PIP: variants seen among roughly 807,000 people sequenced by gnomAD.
PIP encodes prolactin induced protein, also known as prolactin-inducible protein.
In PIP, 9 loss-of-function variants were observed where a neutral mutation model predicts 12.8. The observed-to-expected ratio is 0.70, with a 90% CI of 0.42 to 1.23. The LOEUF (loss-of-function observed/expected upper bound fraction) is 1.23, where lower values mean the gene tolerates loss of function less well. Ranked by LOEUF, PIP falls within the 50% of genes most tolerant of loss-of-function variation. The pLI is 0.00. For missense variants in PIP, 172 were observed against 179.5 expected (o/e 0.96, Z 0.24); for synonymous variants, 60 against 66.1 (o/e 0.91, Z 0.45).
At position 143,139,553 on chromosome 7, in the gene PIP, C is replaced by A; in HGVS notation, c.352C>A (p.Arg118=). ...VQIAAVVDVI[R]ELGICPDDAA... ...AATTGCAGCCGTCGTTGATGTTATT[C>A]GGGAATTAGGCATCTGCCCTGATGA... Residue 118 remains arginine (R), a synonymous_variant, in exon 4 of 4, where the codon CGG becomes AGG. Coordinates refer to ENST00000291009, the MANE Select transcript of PIP (RefSeq NM_002652.3). 1 of 1,612,786 alleles carries A rather than the reference C, an allele frequency of 6.2e-7. No homozygotes were observed. The highest frequency in any genetic ancestry group is 8.5e-7 in the Non-Finnish European group (1 of 1,178,838).
At chr7:143,132,778 G>C (rs538038612) in intron 1 of PIP, among the ~76,000 whole-genome samples, 1 of 152,074 alleles carries the variant, frequency 6.6e-6, no homozygotes. Flanking sequence ...GAGAGCACAG[G>C]TTCAGAAGTC....
chr7:143,134,624 T>C (rs1799286154), intron 1 of PIP, among the ~76,000 whole-genome samples: 1 of 152,064 alleles, frequency 6.6e-6, no homozygotes, highest in Non-Finnish European at 1.5e-5. Flanking sequence ...TTTGCTGGTT[T>C]AATGTGATTC....
At chr7:143,136,882 T>C (rs2116570542) in intron 2 of PIP, among the ~76,000 whole-genome samples, 1 of 152,000 alleles carries the variant, frequency 6.6e-6, no homozygotes, top group South Asian at 2.1e-4. Flanking sequence ...CTAGAAATAA[T>C]TTACAGGAAA....
rs906462455 is a variant in PIP at position 143,132,090 on chromosome 7, G to C, written c.-27G>C. The C allele has an allele frequency of 6.2e-7, 1 of 1,612,540 alleles. No homozygotes were observed. The highest frequency in any genetic ancestry group is 1.3e-5 in the African/African-American group (1 of 74,958). ...GGCACCTGGGACACCACTTCTCTGG[G>C]ACACATTGCCTTCTGTTTTCTCCAG... On this transcript the variant is annotated 5_prime_UTR_variant, in exon 1 of 4. Coordinates refer to ENST00000291009, the MANE Select transcript of PIP (RefSeq NM_002652.3).
intron 1 of PIP, among the ~76,000 whole-genome samples, chr7:143,133,931 C>T (rs1268018964): frequency 6.6e-6 from 1 of 151,382 alleles, no homozygotes. Context: ...GAGCAGTATA[C>T]ACTGCACCAT....
intron 1 of PIP, among the ~76,000 whole-genome samples, chr7:143,134,206 ATATATATATATATATATATATATATAT>A (rs1261241596): frequency 8.3e-6 from 1 of 120,964 alleles, no homozygotes; most frequent in African/African-American, 3.3e-5. Flanking sequence ...ATATATATAT[ATATATATATATATATATATATATATAT>A]ACCACAGTTT....
rs1012654043 is a variant in PIP, at chr7:143,135,111, C to T, written c.96-83C>T. 2.6e-5 allele frequency: 17 copies of T among 655,408 alleles called. No individual in the cohort carries two copies. In the Middle Eastern group the frequency reaches 9.9e-4, roughly 38 times the overall value. The allele number at this position is 655,408 out of a possible 1,614,324, so 40.6% of individuals were successfully genotyped here. ...ATTTCCCTCCCTTGCCCATCCTGTG[C>T]CCCTTGCCCTGTTCATGGCTCCCCC... is the stretch of plus-strand genomic sequence containing the variant. On this transcript the variant is annotated intron_variant, in intron 1 of 3. Transcript: ENST00000291009.
At position 143,132,340 on chromosome 7, in the gene PIP, T is replaced by C. The variant is rs997921799; in HGVS notation, c.95+129T>C. 2.5e-5 allele frequency: 25 copies of C among 1,009,798 alleles called. No individual in the cohort carries two copies. The South Asian group carries it at 3.3e-4, about 13-fold the overall frequency. 62.6% of individuals were successfully genotyped at this position (1,009,798 alleles called of 1,614,324 possible). On this transcript the variant is annotated intron_variant, in intron 1 of 3. Transcript: ENST00000291009. ...AGAACTCTAGTCCCAGGAGCTCCCA[T>C]GGATCTCCTGCCAGGTTCCACTTCT...
intron 2 of PIP, among the ~76,000 whole-genome samples, chr7:143,137,403 T>C (rs1799319768): frequency 1.3e-5 from 2 of 152,142 alleles, no homozygotes; most frequent in Non-Finnish European, 2.9e-5. Flanking sequence ...ACATTTAAAA[T>C]ATAGAAGAGT....
At chr7:143,132,244 A>C in intron 1 of PIP, 33 bp downstream of exon 1, 2 of 1,609,234 alleles carry the variant, frequency 1.2e-6, no homozygotes, top group South Asian at 2.2e-5. Context: ...CCACAAAAAA[A>C]ATTGCAGGGA....
In PIP at chr7:143,139,073, A is replaced by G; in HGVS notation, c.202-2A>G. 2 of 1,410,304 alleles carry G rather than the reference A, an allele frequency of 1.4e-6. No homozygotes were observed. The highest frequency in any genetic ancestry group is 2.0e-6 in the Non-Finnish European group (2 of 993,092). 87.4% of individuals were successfully genotyped at this position (1,410,304 alleles called of 1,614,324 possible). On this transcript the variant is annotated splice_acceptor_variant, in intron 2 of 3. Coordinates refer to ENST00000291009, the MANE Select transcript of PIP (RefSeq NM_002652.3). LOFTEE classifies it high-confidence loss of function. ...TTCCCCCTCCCACCTTCTCCTCACC[A>G]GGTTAAAACTTACCTCATTAGCAGC...
At chr7:143,134,183 C>CATATACATAT (rs1799274554) in intron 1 of PIP, among the ~76,000 whole-genome samples, 3 of 41,664 alleles carry the variant, frequency 7.2e-5, no homozygotes, top group African/African-American at 2.6e-4. Flanking sequence ...AGTATTCCAT[C>CATATACATAT]ATATATATAT....
rs1405453678 is a variant in PIP at position 143,139,584 on chromosome 7, C to T, written c.383C>T (p.Ala128Val). 2 of 1,610,954 alleles carry T rather than the reference C, an allele frequency of 1.2e-6. No individual in the cohort carries two copies. The highest frequency in any genetic ancestry group is 2.2e-5 in the East Asian group (1 of 44,878). ...RELGICPDDA[A>V]VIPIKNNRFY... ...TTAGGCATCTGCCCTGATGATGCTG[C>T]TGTAATCCCCATCAAAAACAACCGG... The change falls in exon 4 of 4, where the codon GCT (alanine) becomes GTT (valine). Residue 128 changes from alanine to valine, a missense_variant. By Grantham distance (64) the Ala-to-Val change is moderately conservative (BLOSUM62 0). Transcript: ENST00000291009.
chr7:143,139,113 T>C lies in PIP; in HGVS notation c.240T>C (p.Gly80=). ...TCATTAGCAGCATCCCTCTACAAGG[T>C]GCATTTAACTATAAGTATACTGCCT... is the stretch of plus-strand genomic sequence containing the variant. ...TYLISSIPLQ[G]AFNYKYTACL... is the part of the protein sequence containing the mutation. Residue 80 remains glycine, a synonymous_variant, in exon 3 of 4, where the codon GGT becomes GGC. Coordinates refer to ENST00000291009, the MANE Select transcript of PIP (RefSeq NM_002652.3). The C allele has an allele frequency of 1.9e-6, 3 of 1,601,504 alleles. No homozygotes were observed. The highest frequency in any genetic ancestry group is 2.6e-6 in the Non-Finnish European group (3 of 1,168,332).
chr7:143,132,916 A>G (rs1033201134), intron 1 of PIP, among the ~76,000 whole-genome samples: 1 of 152,172 alleles, frequency 6.6e-6, no homozygotes, highest in South Asian at 2.1e-4. Context: ...CTATAGCAGT[A>G]GGGTTTATAA....
intron 1 of PIP, among the ~76,000 whole-genome samples, chr7:143,134,834 T>C (rs983092192): frequency 6.6e-6 from 1 of 152,006 alleles, no homozygotes; most frequent in Non-Finnish European, 1.5e-5. Context: ...GATTTTGCAA[T>C]TGTGAATTGT....
intron 2 of PIP, among the ~76,000 whole-genome samples, chr7:143,138,515 T>C (rs761083168): frequency 2.0e-4 from 31 of 152,260 alleles, no homozygotes; most frequent in Non-Finnish European, 3.1e-4. Flanking sequence ...TTCAAGATGT[T>C]ATTTGCTTAT....
Position 143,132,120 on chromosome 7 carries a change from C to T in PIP, c.4C>T (p.Arg2Cys), listed in dbSNP as rs145633135. 28 of 1,612,474 alleles carry T rather than the reference C, an allele frequency of 1.7e-5. No homozygotes were observed. Among genetic ancestry groups the T allele is most frequent in the Non-Finnish European group, 2.2e-5 (26 of 1,178,712 alleles). The change falls in exon 1 of 4, where the codon CGC becomes TGC. Residue 2 changes from arginine to cysteine, a missense_variant. Arg to Cys is a radical substitution (Grantham distance 180). Transcript: ENST00000291009. Reference protein sequence around the residue: MRLLQLLFRASP... With the variant: MCLLQLLFRASP... ...ATTGCCTTCTGTTTTCTCCAGCATGCGCTTGCTCCAGCTCCTGTTCAGGGC... is the reference window on the plus strand; with the variant it reads ...ATTGCCTTCTGTTTTCTCCAGCATGTGCTTGCTCCAGCTCCTGTTCAGGGC...
chr7:143,137,511 A>C (rs1425821010), intron 2 of PIP, among the ~76,000 whole-genome samples: 2 of 152,270 alleles, frequency 1.3e-5, no homozygotes, highest in East Asian at 3.9e-4. Flanking sequence ...AACACGTCCC[A>C]CGTGCCATGC....
Sources: allele counts gnomAD v4.1 joint callset (sites outside exome capture counted in the v4.1 genomes callset), GRCh38; gene constraint gnomAD v4.1.1; transcripts MANE v1.5; gene names NCBI Gene and HGNC (gene_info 2026-07-23, HGNC 2026-07-21).